The following TNKS variants were observed in gnomAD, a reference collection of about 807,000 sequenced individuals.
TNKS encodes tankyrase.
TNKS carries 72 observed loss-of-function variants against 135.8 expected under a neutral mutation model. The ratio of observed to expected loss-of-function variants is 0.53; its 90% CI spans 0.44 to 0.64. TNKS has a LOEUF of 0.64. Ranked by LOEUF, TNKS falls within the 30% of genes least tolerant of loss-of-function variation. The probability of loss-of-function intolerance (pLI) is 0.00; values close to 1 mark genes in which losing one functional copy is unlikely to be tolerated. For synonymous variants in TNKS, 849 were observed against 649.3 expected (o/e 1.31, Z -4.68); for missense variants, 1,769 against 1,674.0 (o/e 1.06, Z -0.99).
chr8:9,719,315 G>C (rs1351621919), intron 11 of TNKS, among the ~76,000 whole-genome samples: 1 of 152,056 alleles, frequency 6.6e-6, no homozygotes, highest in African/African-American at 2.4e-5. Flanking sequence ...TGTATTTAGT[G>C]GGTGTACACA....
chr8:9,731,964 T>C (rs554546823), intron 14 of TNKS, among the ~76,000 whole-genome samples: 5 of 152,206 alleles, frequency 3.3e-5, no homozygotes, highest in Non-Finnish European at 7.4e-5. Flanking sequence ...ATTTTTTGTA[T>C]TTTTAGGAGA....
At chr8:9,560,493 CTTTTTTTTT>C (rs535715245) in intron 1 of TNKS, among the ~76,000 whole-genome samples, 1 of 42,310 alleles carries the variant, frequency 2.4e-5, no homozygotes, top group African/African-American at 1.2e-4. Flanking sequence ...CCATACTTGT[CTTTTTTTTT>C]TTTTTTTTTT....
At chr8:9,663,392 G>A (rs1801825379) in intron 3 of TNKS, among the ~76,000 whole-genome samples, 3 of 152,212 alleles carry the variant, frequency 2.0e-5, no homozygotes, top group African/African-American at 4.8e-5. Flanking sequence ...GTGTGTATAT[G>A]TATGTGTAAA....
intron 3 of TNKS, among the ~76,000 whole-genome samples, chr8:9,664,437 A>G (rs1391330910): frequency 6.6e-6 from 1 of 152,050 alleles, no homozygotes; most frequent in Non-Finnish European, 1.5e-5. Context: ...TGACTCAGAC[A>G]CCTCTTACTA....
intron 2 of TNKS, among the ~76,000 whole-genome samples, chr8:9,596,890 A>G (rs1011839867): frequency 1.3e-5 from 2 of 152,220 alleles, no homozygotes; most frequent in African/African-American, 4.8e-5. Flanking sequence ...GTCCCCTAAA[A>G]TGGAACTCTC....
intron 5 of TNKS, among the ~76,000 whole-genome samples, chr8:9,696,887 T>C (rs1189795580): frequency 6.6e-6 from 1 of 152,198 alleles, no homozygotes; most frequent in African/African-American, 2.4e-5. Flanking sequence ...CAAAGCAGTT[T>C]ACAGGTTCAG....
At chr8:9,660,138 A>G (rs1801624691) in intron 3 of TNKS, among the ~76,000 whole-genome samples, 1 of 152,240 alleles carries the variant, frequency 6.6e-6, no homozygotes, top group Non-Finnish European at 1.5e-5. Flanking sequence ...ATGGATTCAC[A>G]GCCGAATTCT....
At chr8:9,585,180 G>A (rs1378879229) in intron 2 of TNKS, among the ~76,000 whole-genome samples, 6 of 151,048 alleles carry the variant, frequency 4.0e-5, no homozygotes, top group African/African-American at 1.2e-4. Context: ...TTTTTTCAGA[G>A]GAAACAATTT....
chr8:9,765,090 A>T (rs1290545084), intron 23 of TNKS, among the ~76,000 whole-genome samples: 1 of 152,194 alleles, frequency 6.6e-6, no homozygotes, highest in African/African-American at 2.4e-5. Context: ...TACAGGCCAT[A>T]GCTGACAATA....
chr8:9,766,160 C>A, intron 24 of TNKS, 79 bp from the exon 25 acceptor site: 1 of 1,226,070 alleles, frequency 8.2e-7, no homozygotes, highest in Non-Finnish European at 1.1e-6. Context: ...TATTAACCTG[C>A]CCGATGCAAA....
At chr8:9,652,811 C>T (rs1452573706) in intron 3 of TNKS, among the ~76,000 whole-genome samples, 1 of 151,834 alleles carries the variant, frequency 6.6e-6, no homozygotes, top group Non-Finnish European at 1.5e-5. Context: ...TTCCATTATC[C>T]CTGACCCTCA....
chr8:9,774,617 C>T (rs1427363887), intron 26 of TNKS, among the ~76,000 whole-genome samples: 2 of 152,110 alleles, frequency 1.3e-5, no homozygotes, highest in Admixed American at 6.5e-5. Context: ...ACCCTTAATC[C>T]CTCTGGACTG....
intron 14 of TNKS, 25 bp downstream of exon 14, chr8:9,731,060 G>A (rs1415880208): frequency 6.4e-7 from 1 of 1,550,960 alleles, no homozygotes; most frequent in African/African-American, 1.4e-5. Flanking sequence ...TTAGCTGTTT[G>A]GGAGTCATTC....
chr8:9,771,617 GGAA>G (rs1807874494), intron 26 of TNKS, among the ~76,000 whole-genome samples: 1 of 121,490 alleles, frequency 8.2e-6, no homozygotes, highest in African/African-American at 3.2e-5. Flanking sequence ...GAGGAAGAGA[GGAA>G]GGAAAGAGGG....
intron 5 of TNKS, among the ~76,000 whole-genome samples, chr8:9,699,739 C>T (rs1010714396): frequency 6.6e-6 from 1 of 152,160 alleles, no homozygotes; most frequent in East Asian, 1.9e-4. Context: ...TAGTCCTGTA[C>T]CCTTCTGTTC....
chr8:9,558,276 T>G (rs967202627), intron 1 of TNKS: 4 of 152,324 alleles, frequency 2.6e-5, no homozygotes, highest in East Asian at 3.9e-4. Context: ...CATTGTTAGG[T>G]CACTGGATTC....
At chr8:9,612,452 C>G (rs1170231677) in intron 2 of TNKS, among the ~76,000 whole-genome samples, 1 of 152,104 alleles carries the variant, frequency 6.6e-6, no homozygotes, top group Non-Finnish European at 1.5e-5. Flanking sequence ...ATTTATATAG[C>G]ACTGCCCAGG....
At chr8:9,587,646 C>T (rs1246169482) in intron 2 of TNKS, among the ~76,000 whole-genome samples, 1 of 152,114 alleles carries the variant, frequency 6.6e-6, no homozygotes, top group Non-Finnish European at 1.5e-5. Context: ...TTGTGATCCG[C>T]CCGCCTCGGC....
At chr8:9,747,903 C>T in intron 17 of TNKS, 121 bp from the exon 18 acceptor site, 1 of 951,380 alleles carries the variant, frequency 1.1e-6, no homozygotes, top group Non-Finnish European at 1.5e-6. Context: ...GAAGAAACTT[C>T]TGTTAAGGAT....
Sources: gnomAD v4.1 joint callset for allele counts (sites outside exome capture counted in the v4.1 genomes callset) on GRCh38, gnomAD v4.1.1 for gene constraint, MANE v1.5 for transcripts, NCBI Gene and HGNC (gene_info 2026-07-23, HGNC 2026-07-21) for gene names.